The following MICAL3 variants were observed in gnomAD, a reference collection of about 807,000 sequenced individuals.
MICAL3 encodes microtubule associated monooxygenase, calponin and LIM domain containing 3.
In MICAL3, 62 loss-of-function variants were observed where a neutral mutation model predicts 207.4. The ratio of observed to expected loss-of-function variants is 0.30; its 90% CI spans 0.24 to 0.37. MICAL3 has a LOEUF of 0.37. MICAL3 is among the 10% of genes least tolerant of loss of function. The pLI, the probability that MICAL3 is intolerant of heterozygous loss-of-function variation, is 1.00. For synonymous variants in MICAL3, 1,077 were observed against 1,069.3 expected, an observed-to-expected ratio of 1.01 and a Z score of -0.14; for missense variants, 2,368 against 2,635.6, an observed-to-expected ratio of 0.90 and a Z score of 2.22.
chr22:18,019,945 TG>T (rs1199629869), intron 1 of MICAL3: 1 of 149,690 alleles, frequency 6.7e-6, no homozygotes, highest in East Asian at 2.0e-4. Flanking sequence ...CCCGAGTAGG[TG>T]GGACTACAGG....
intron 16 of MICAL3, chr22:17,875,493 C>T (rs774725098): frequency 1.8e-5 from 28 of 1,554,530 alleles, no homozygotes; most frequent in East Asian, 4.8e-5. Context: ...GGCAGAGGAG[C>T]GGAGACTAAG....
chr22:17,897,083 T>G, intron 7 of MICAL3, 102 bp from the exon 8 acceptor site: 3 of 1,364,250 alleles, frequency 2.2e-6, no homozygotes, highest in Non-Finnish European at 3.0e-6. Flanking sequence ...CCCCCTAAAG[T>G]GACTCCACGT....
intron 1 of MICAL3, among the ~76,000 whole-genome samples, chr22:17,907,446 G>A (rs1416307983): frequency 2.6e-5 from 4 of 152,208 alleles, no homozygotes; most frequent in South Asian, 2.1e-4. Context: ...GCACTCCTTG[G>A]TGCCAGTGGA....
At chr22:17,887,075 A>G (rs952491950) in intron 15 of MICAL3, 95 bp downstream of exon 15, 8 of 725,318 alleles carry the variant, frequency 1.1e-5, no homozygotes, top group African/African-American at 1.8e-5. Flanking sequence ...GATGAATATG[A>G]AAAGACCTAG....
chr22:17,819,039 G>A lies in MICAL3; in HGVS notation c.3622C>T (p.Pro1208Ser). ...AGATCCGAGGGGGCATCAGCTTTGGGCTTCTCTTTGGGGAGCAAAGGCTCA... is the reference window on the plus strand; with the variant it reads ...AGATCCGAGGGGGCATCAGCTTTGGACTTCTCTTTGGGGAGCAAAGGCTCA... ...FPEPLLPKEK[P>S]KADAPSDLKA... is the part of the protein sequence containing the mutation. Residue 1208 changes from proline to serine, a missense_variant, in exon 26 of 32, where the codon CCC (proline) becomes TCC (serine). Pro to Ser is a moderately conservative substitution (Grantham distance 74). Transcript: ENST00000441493. 1 of 1,598,074 alleles carries A rather than the reference G, an allele frequency of 6.3e-7. No individual in the cohort carries two copies. The highest frequency in any genetic ancestry group is 2.2e-5 in the East Asian group (1 of 44,740).
intron 1 of MICAL3, among the ~76,000 whole-genome samples, chr22:17,997,050 C>CTTTTTTTTTTT (rs71716810): frequency 1.3e-5 from 1 of 75,516 alleles, no homozygotes; most frequent in Non-Finnish European, 2.3e-5. Context: ...CCCATCTAGT[C>CTTTTTTTTTTT]TTTTTTTTTT....
At position 17,920,739 on chromosome 22, in the gene MICAL3, G is replaced by T. The variant is rs143122756; in HGVS notation, c.-74-13853C>A. Among the ~76,000 whole-genome samples, 933 of 152,010 alleles carry T rather than the reference G, an allele frequency of 6.1e-3. 12 individuals carry two copies. Among genetic ancestry groups the T allele is most frequent in the African/African-American group, 0.022 (901 of 41,438 alleles). On this transcript the variant is annotated intron_variant, in intron 1 of 31. Coordinates refer to ENST00000441493, the MANE Select transcript of MICAL3 (RefSeq NM_015241.3). ...CCACCAAGGAAGTCTACCCCACACG[G>T]AGTCAAACCCACCACCCACCAAATG...
intron 18 of MICAL3, among the ~76,000 whole-genome samples, chr22:17,865,442 CACAG>C (rs775979494): frequency 4.6e-5 from 7 of 152,322 alleles, no homozygotes; most frequent in South Asian, 2.1e-4. Flanking sequence ...GGAAAAAATT[CACAG>C]ACAAATAACT....
At chr22:17,987,697 C>A (rs970564899) in intron 1 of MICAL3, among the ~76,000 whole-genome samples, 1 of 152,224 alleles carries the variant, frequency 6.6e-6, no homozygotes. Context: ...GGAACTTTCT[C>A]GATCACTGTC....
At chr22:17,866,696 G>C (rs1371164132) in intron 17 of MICAL3, among the ~76,000 whole-genome samples, 1 of 141,816 alleles carries the variant, frequency 7.1e-6, no homozygotes, top group Non-Finnish European at 1.5e-5. Context: ...AGAATCCAGA[G>C]TGTACTGTGG....
chr22:17,818,548 G>T lies in MICAL3; in HGVS notation c.4113C>A (p.Ser1371=), dbSNP rs200686447. 6.2e-7 allele frequency: 1 copy of T among 1,613,600 alleles called. No homozygotes were observed. Among genetic ancestry groups the T allele is most frequent in the Admixed American group, 1.7e-5 (1 of 60,028 alleles). The change falls in exon 26 of 32, where the codon TCC becomes TCA. Residue 1371 remains serine, a synonymous_variant. Transcript: ENST00000441493. The part of the protein sequence containing the change: ...VSLKSYSVEK[S]PQDEGLHLLK... ...GAAGGTGGAGTCCCTCATCCTGGGG[G>T]GACTTTTCAACGGAATAGGATTTGA...
At chr22:17,913,676 A>G (rs116108282) in intron 1 of MICAL3, among the ~76,000 whole-genome samples, 313 of 152,256 alleles carry the variant, frequency 2.1e-3, no homozygotes, top group African/African-American at 7.1e-3. Flanking sequence ...GGACTGTAGT[A>G]CAGTCCTAAC....
chr22:17,812,038 C>T (rs796808127), intron 27 of MICAL3, among the ~76,000 whole-genome samples: 24 of 152,322 alleles, frequency 1.6e-4, no homozygotes, highest in African/African-American at 5.5e-4. Context: ...TGTGAGCCAC[C>T]ATACCTGGCC....
chr22:17,938,350 G>C (rs1933645748), intron 1 of MICAL3, among the ~76,000 whole-genome samples: 2 of 152,198 alleles, frequency 1.3e-5, no homozygotes, highest in African/African-American at 4.8e-5. Flanking sequence ...CCAACCGGGA[G>C]GGAAGTAGGT....
At chr22:17,987,342 G>T (rs1299218119) in intron 1 of MICAL3, among the ~76,000 whole-genome samples, 2 of 152,256 alleles carry the variant, frequency 1.3e-5, no homozygotes, top group African/African-American at 4.8e-5. Context: ...TAACTGAGCG[G>T]CTGTTCTGTT....
Position 17,896,742 on chromosome 22 carries a change from G to C in MICAL3, c.1188C>G (p.Val396=), listed in dbSNP as rs766291618. Reference sequence around the variant, plus strand: ...CACTCACCTCTAGGAGGCTGTCCCCGACCAGAGCCACTAGTAACTGGTGTC... The same window carrying C: ...CACTCACCTCTAGGAGGCTGTCCCCCACCAGAGCCACTAGTAACTGGTGTC... The part of the protein sequence containing the change: ...QNGHQLLVAL[V]GDSLLEPFWP... The change falls in exon 8 of 32, where the codon GTC becomes GTG. Residue 396 remains valine, a synonymous_variant. Transcript: ENST00000441493. The C allele has an allele frequency of 6.2e-7, 1 of 1,613,676 alleles. No homozygotes were observed. The highest frequency in any genetic ancestry group is 2.2e-5 in the East Asian group (1 of 44,864).
intron 19 of MICAL3, among the ~76,000 whole-genome samples, chr22:17,848,984 C>T (rs547715950): frequency 6.6e-6 from 1 of 152,356 alleles, no homozygotes; most frequent in Admixed American, 6.5e-5. Flanking sequence ...ACTGCTATGT[C>T]AGGGTGGTTT....
At chr22:17,923,975 C>T (rs1932855827) in intron 1 of MICAL3, among the ~76,000 whole-genome samples, 1 of 152,172 alleles carries the variant, frequency 6.6e-6, no homozygotes, top group Non-Finnish European at 1.5e-5. Flanking sequence ...GGGAAGCAAA[C>T]ACATCCTTCT....
chr22:17,921,479 C>T (rs962039226), intron 1 of MICAL3, among the ~76,000 whole-genome samples: 96 of 152,302 alleles, frequency 6.3e-4, no homozygotes, highest in African/African-American at 2.3e-3. Context: ...ACTAGCACAG[C>T]TGCCTCTTAA....
Sources: allele counts gnomAD v4.1 joint callset (sites outside exome capture counted in the v4.1 genomes callset), GRCh38; gene constraint gnomAD v4.1.1; transcripts MANE v1.5; gene names NCBI Gene and HGNC (gene_info 2026-07-23, HGNC 2026-07-21).